The following FYTTD1 variants were observed in gnomAD, a reference collection of about 807,000 sequenced individuals.
The protein encoded by FYTTD1 is UAP56-interacting factor.
A neutral mutation model predicts 40.9 loss-of-function variants in FYTTD1; 22 were observed. That is an observed-to-expected ratio of 0.54 (90% CI 0.38 to 0.77). FYTTD1 has a LOEUF of 0.77. Ranked by LOEUF, FYTTD1 falls within the 30% of genes least tolerant of loss-of-function variation. FYTTD1 has a pLI of 0.00. For missense variants in FYTTD1, 351 were observed against 392.2 expected (o/e 0.90, Z 0.89); for synonymous variants, 140 against 137.9 (o/e 1.01, Z -0.10).
At chr3:197,774,874 G>T (rs1729831276) in intron 6 of FYTTD1, among the ~76,000 whole-genome samples, 1 of 152,268 alleles carries the variant, frequency 6.6e-6, no homozygotes, top group Non-Finnish European at 1.5e-5. Context: ...GAGCAGCATA[G>T]CTCGGGCTAT....
intron 2 of FYTTD1, among the ~76,000 whole-genome samples, chr3:197,758,713 C>T (rs1390313281): frequency 5.3e-5 from 8 of 152,182 alleles, no homozygotes; most frequent in South Asian, 4.1e-4. Context: ...ACATGTGACA[C>T]GGGCTAAAAT....
At chr3:197,761,834 G>A (rs758089226) in intron 2 of FYTTD1, among the ~76,000 whole-genome samples, 3 of 152,218 alleles carry the variant, frequency 2.0e-5, no homozygotes, top group Non-Finnish European at 4.4e-5. Flanking sequence ...GCAAAAGCAG[G>A]ATCTTAGTTC....
In FYTTD1 at chr3:197,750,735, C is replaced by T. The variant is rs1728999301; in HGVS notation, c.103+661C>T. 4.1e-6 allele frequency: 4 copies of T among 985,402 alleles called. No homozygotes were observed. In the African/African-American group the frequency reaches 5.2e-5, roughly 13 times the overall value. The allele number at this position is 985,402 out of a possible 1,614,324, so 61.0% of individuals were successfully genotyped here. The stretch of plus-strand genomic sequence containing the variant: ...AGCGCTGCCTAGAAAAGCACAGTCT[C>T]CCTCTCCAGGCCTCAGAGCTAGCTA... On this transcript the variant is annotated intron_variant, in intron 1 of 8. Transcript: ENST00000241502.
chr3:197,766,364 G>A lies in FYTTD1; in HGVS notation c.236-2075G>A, dbSNP rs991598576. On this transcript the variant is annotated intron_variant, in intron 2 of 8. Coordinates refer to ENST00000241502, the MANE Select transcript of FYTTD1 (RefSeq NM_032288.7). The stretch of plus-strand genomic sequence containing the variant: ...AGTATGGCATATTAAAAAGTAATGC[G>A]ATAAAAGGATGTCAAAAACATGGGA... Among the ~76,000 whole-genome samples the A allele has an allele frequency of 4.0e-5, 6 of 151,484 alleles. No individual in the cohort carries two copies. In the East Asian group the frequency reaches 7.8e-4, roughly 20 times the overall value.
intron 4 of FYTTD1, among the ~76,000 whole-genome samples, chr3:197,770,492 T>C (rs1320948337): frequency 6.6e-6 from 1 of 152,208 alleles, no homozygotes; most frequent in Non-Finnish European, 1.5e-5. Context: ...TTTACCTCTT[T>C]GACATATGGA....
At chr3:197,779,022 G>C (rs1418163394) in intron 8 of FYTTD1, among the ~76,000 whole-genome samples, 1 of 152,162 alleles carries the variant, frequency 6.6e-6, no homozygotes, top group Non-Finnish European at 1.5e-5. Context: ...GCATCTATGA[G>C]GGTTCTGAAT....
chr3:197,759,900 G>A (rs1560493835), intron 2 of FYTTD1, among the ~76,000 whole-genome samples: 1 of 148,546 alleles, frequency 6.7e-6, no homozygotes, highest in Admixed American at 6.6e-5. Context: ...TGTATAGGGT[G>A]TTCCTCAGTG....
intron 8 of FYTTD1, among the ~76,000 whole-genome samples, chr3:197,779,279 G>C (rs1003558546): frequency 1.3e-5 from 2 of 152,030 alleles, no homozygotes; most frequent in Non-Finnish European, 2.9e-5. Context: ...GCCTGGTGTG[G>C]TGGCTCATGC....
chr3:197,766,075 A>G (rs981935394), intron 2 of FYTTD1, among the ~76,000 whole-genome samples: 3 of 151,814 alleles, frequency 2.0e-5, no homozygotes, highest in Non-Finnish European at 4.4e-5. Context: ...AGGCAGGAGA[A>G]TTCTTTGAAC....
rs1730076911 is a variant in FYTTD1, at chr3:197,783,281, T to C, written c.*1372T>C. On this transcript the variant is annotated 3_prime_UTR_variant, in exon 9 of 9. Transcript: ENST00000241502. ...AGCTTGACATTTTAGTTTGCCATTA[T>C]GTTAAAAACATCTAAATAGGTGTTA... is the stretch of plus-strand genomic sequence containing the variant. 1 of 152,684 alleles carries C rather than the reference T, an allele frequency of 6.5e-6. No individual in the cohort carries two copies. The highest frequency in any genetic ancestry group is 1.9e-4 in the East Asian group (1 of 5,202). 9.5% of individuals were successfully genotyped at this position (152,684 alleles called of 1,614,324 possible).
In FYTTD1 at chr3:197,785,960, C is replaced by A. The variant is rs968314001; in HGVS notation, c.*4051C>A. 1 of 149,212 alleles carries A rather than the reference C, an allele frequency of 6.7e-6. No individual in the cohort carries two copies. The highest frequency in any genetic ancestry group is 2.5e-5 in the African/African-American group (1 of 40,452). 9.2% of individuals were successfully genotyped at this position (149,212 alleles called of 1,614,324 possible). On this transcript the variant is annotated 3_prime_UTR_variant, in exon 9 of 9. Coordinates refer to ENST00000241502, the MANE Select transcript of FYTTD1 (RefSeq NM_032288.7). ...TTCTTTTTTTTTTTTTTAAATGATA[C>A]TTCAGTAAACACAGCATTTACAACA...
chr3:197,750,128 C>A, intron 1 of FYTTD1, 54 bp downstream of exon 1: 1 of 1,371,548 alleles, frequency 7.3e-7, no homozygotes, highest in Non-Finnish European at 9.9e-7. Flanking sequence ...CGGGTGGAAG[C>A]CGGCGGCGCG....
At chr3:197,776,286 A>G (rs199577461) in intron 6 of FYTTD1, among the ~76,000 whole-genome samples, 2 of 148,642 alleles carry the variant, frequency 1.3e-5, no homozygotes, top group South Asian at 2.1e-4. Context: ...GTTCACTGCA[A>G]CCTCCCCCTC....
intron 2 of FYTTD1, among the ~76,000 whole-genome samples, chr3:197,760,044 G>A (rs879516075): frequency 5.8e-4 from 88 of 152,002 alleles, no homozygotes; most frequent in Middle Eastern, 3.4e-3. Flanking sequence ...TTGTTCTTCC[G>A]TGGTAGAACG....
intron 1 of FYTTD1, 36 bp downstream of exon 1, chr3:197,750,110 G>T: frequency 6.8e-7 from 1 of 1,465,378 alleles, no homozygotes; most frequent in Non-Finnish European, 9.3e-7. Context: ...GGAGTGCGGG[G>T]GAGGGCGCGG....
rs1730088576 is a variant in FYTTD1, at chr3:197,783,734, CT to C, written c.*1826del. ...TTTAAAGCAAGGAAAAGCAGCTGAG[CT>C]CAAGTTTGCTGTCTTTAGAATGGTT... On this transcript the variant is annotated 3_prime_UTR_variant, in exon 9 of 9. Coordinates refer to ENST00000241502, the MANE Select transcript of FYTTD1 (RefSeq NM_032288.7). 6.6e-6 allele frequency: 1 copy of C among 152,248 alleles called. No homozygotes were observed. Among genetic ancestry groups the C allele is most frequent in the Non-Finnish European group, 1.5e-5 (1 of 68,026 alleles). 9.4% of individuals were successfully genotyped at this position (152,248 alleles called of 1,614,324 possible).
In FYTTD1 at chr3:197,781,785, T is replaced by C. The variant is rs1203062928; in HGVS notation, c.859-26T>C. 3.9e-6 allele frequency: 6 copies of C among 1,537,144 alleles called. No individual in the cohort carries two copies. The Admixed American group carries it at 1.1e-4, about 27-fold the overall frequency. ...AAGTTGTTAATTGTTGCTTTGTTGT[T>C]GTTTTTGTTTTTTTCTTTTCTCTAG... On this transcript the variant is annotated intron_variant, in intron 8 of 8. Coordinates refer to ENST00000241502, the MANE Select transcript of FYTTD1 (RefSeq NM_032288.7).
At chr3:197,750,628 G>T in intron 1 of FYTTD1, 4 of 985,346 alleles carry the variant, frequency 4.1e-6, no homozygotes, top group Non-Finnish European at 4.8e-6. Context: ...GCGACTCTCG[G>T]GGCCACCTCC....
intron 1 of FYTTD1, 44 bp downstream of exon 1, chr3:197,750,118 C>T (rs1728957942): frequency 7.0e-7 from 1 of 1,419,370 alleles, no homozygotes; most frequent in Non-Finnish European, 9.6e-7. Context: ...GGGGAGGGCG[C>T]GGGTGGAAGC....
Sources: allele counts gnomAD v4.1 joint callset (sites outside exome capture counted in the v4.1 genomes callset), GRCh38; gene constraint gnomAD v4.1.1; transcripts MANE v1.5; gene names NCBI Gene and HGNC (gene_info 2026-07-23, HGNC 2026-07-21).